The following SYNPR variants were observed in gnomAD, a reference collection of about 807,000 sequenced individuals.
SYNPR encodes synaptoporin.
SYNPR carries 23 observed loss-of-function variants against 32.9 expected under a neutral mutation model. That is an observed-to-expected ratio of 0.70 (90% confidence interval 0.50 to 0.99). The LOEUF (loss-of-function observed/expected upper bound fraction) is 0.99. SYNPR is among the 50% of genes least tolerant of loss of function. The pLI, the probability that SYNPR is intolerant of heterozygous loss-of-function variation, is 0.00. For synonymous variants in SYNPR, 146 were observed against 135.9 expected, an observed-to-expected ratio of 1.07 and a Z score of -0.52; for missense variants, 318 against 349.3, an observed-to-expected ratio of 0.91 and a Z score of 0.71.
At chr3:63,370,661 G>C (rs1376480) in intron 2 of SYNPR, among the ~76,000 whole-genome samples, 64,887 of 152,042 alleles carry the variant, frequency 0.43, 14,824 homozygotes, top group Middle Eastern at 0.6. Context: ...ATAATTTCTA[G>C]ATGGATCTCT....
intron 2 of SYNPR, among the ~76,000 whole-genome samples, chr3:63,359,798 T>C (rs1454897542): frequency 6.6e-6 from 1 of 152,202 alleles, no homozygotes; most frequent in East Asian, 1.9e-4. Flanking sequence ...TCAGTCTCCA[T>C]ATTGATATGG....
chr3:63,255,423 C>A (rs1383043840), intron 2 of SYNPR, among the ~76,000 whole-genome samples: 2 of 152,132 alleles, frequency 1.3e-5, no homozygotes, highest in East Asian at 1.9e-4. Context: ...GGCCTTGAAC[C>A]AGTTATGCCA....
chr3:63,447,088 A>C (rs2107169713), intron 2 of SYNPR, among the ~76,000 whole-genome samples: 1 of 152,320 alleles, frequency 6.6e-6, no homozygotes, highest in Non-Finnish European at 1.5e-5. Context: ...AATACTGATA[A>C]ATAAATTCAA....
At chr3:63,208,264 T>C in the SYNPR span, among the ~76,000 whole-genome samples, 1 of 152,170 alleles carries the variant, frequency 6.6e-6, no homozygotes, top group South Asian at 2.1e-4. Flanking sequence ...AAGACCCAGT[T>C]ATTTTATGAC....
chr3:63,570,785 G>C (rs147646709), intron 4 of SYNPR, among the ~76,000 whole-genome samples: 1 of 152,166 alleles, frequency 6.6e-6, no homozygotes, highest in African/African-American at 2.4e-5. Context: ...GATCCCCCCT[G>C]CTAGATATCA....
At chr3:63,236,557 C>T (rs1442756269) in intron 1 of SYNPR, among the ~76,000 whole-genome samples, 1 of 152,052 alleles carries the variant, frequency 6.6e-6, no homozygotes, top group African/African-American at 2.4e-5. Context: ...CCTAGGTTAA[C>T]ATGTTGTAAT....
In SYNPR at chr3:63,392,734, G is replaced by A. The variant is rs1046795563; in HGVS notation, c.85-88098G>A. The stretch of plus-strand genomic sequence containing the variant: ...ATGAGCTAGGCCTCCATTTCTTACC[G>A]GATAATGCTATAACTCAGTAAGACA... On this transcript the variant is annotated intron_variant, in intron 2 of 5. Coordinates refer to ENST00000478300, the MANE Select transcript of SYNPR (RefSeq NM_001130003.2). Among the ~76,000 whole-genome samples, 19 of 152,078 alleles carry A rather than the reference G, an allele frequency of 1.2e-4. No individual in the cohort carries two copies. The South Asian group carries it at 1.2e-3, about 10-fold the overall frequency.
chr3:63,203,068 G>GTGTATATATATATATATATATATATA, the SYNPR span: 3 of 108,572 alleles, frequency 2.8e-5, no homozygotes, highest in African/African-American at 1.4e-4. Context: ...ATATGTATGT[G>GTGTATATATATATATATATATATATA]TATATATATA....
chr3:63,563,221 A>G (rs1232043228), intron 4 of SYNPR, among the ~76,000 whole-genome samples: 1 of 152,204 alleles, frequency 6.6e-6, no homozygotes, highest in Non-Finnish European at 1.5e-5. Flanking sequence ...TACTTGTAAG[A>G]TCACAATTGC....
At chr3:63,540,733 C>A (rs189018506) in intron 3 of SYNPR, among the ~76,000 whole-genome samples, 21 of 152,010 alleles carry the variant, frequency 1.4e-4, no homozygotes, top group African/African-American at 5.1e-4. Context: ...CTACTTCATA[C>A]TTGGCAAGAT....
intron 2 of SYNPR, among the ~76,000 whole-genome samples, chr3:63,362,379 C>G (rs2087673001): frequency 6.6e-6 from 1 of 152,122 alleles, no homozygotes; most frequent in African/African-American, 2.4e-5. Context: ...TTTTAACTGT[C>G]TTTTTCTCAT....
At chr3:63,459,712 T>G (rs879805360) in intron 2 of SYNPR, among the ~76,000 whole-genome samples, 17 of 152,126 alleles carry the variant, frequency 1.1e-4, no homozygotes, top group Admixed American at 1.0e-3. Context: ...AAAAGCTATG[T>G]GATTCATCAA....
chr3:63,477,042 C>G (rs1700941855), intron 2 of SYNPR, among the ~76,000 whole-genome samples: 1 of 152,154 alleles, frequency 6.6e-6, no homozygotes, highest in Non-Finnish European at 1.5e-5. Context: ...TGCCCGGTGT[C>G]ACACAGCTAG....
intron 2 of SYNPR, among the ~76,000 whole-genome samples, chr3:63,326,935 G>A (rs148231330): frequency 2.0e-5 from 3 of 151,692 alleles, no homozygotes; most frequent in African/African-American, 4.8e-5. Flanking sequence ...TCATTTCCAT[G>A]TTCCTAAATT....
intron 2 of SYNPR, among the ~76,000 whole-genome samples, chr3:63,353,032 CAAA>C (rs1270146680): frequency 3.3e-5 from 5 of 152,162 alleles, no homozygotes; most frequent in Non-Finnish European, 7.3e-5. Context: ...TTTTAATTGA[CAAA>C]TAATAATTGT....
At chr3:63,605,227 A>G (rs935133254) in intron 4 of SYNPR, among the ~76,000 whole-genome samples, 18 of 152,232 alleles carry the variant, frequency 1.2e-4, no homozygotes, top group Non-Finnish European at 5.9e-5. Flanking sequence ...AGGAAAGACT[A>G]TCTGGGGAGG....
At chr3:63,319,553 A>G (rs1486483193) in intron 2 of SYNPR, among the ~76,000 whole-genome samples, 1 of 152,080 alleles carries the variant, frequency 6.6e-6, no homozygotes, top group Non-Finnish European at 1.5e-5. Flanking sequence ...ACTACCTAGG[A>G]ATAAACTTAA....
chr3:63,264,902 G>A (rs1229738993), intron 2 of SYNPR, among the ~76,000 whole-genome samples: 1 of 122,328 alleles, frequency 8.2e-6, no homozygotes, highest in African/African-American at 3.0e-5. Context: ...ACAGCATGGG[G>A]GAAACAGCTG....
upstream of SYNPR, among the ~76,000 whole-genome samples, chr3:63,225,911 AG>A (rs35162919): frequency 1.3e-5 from 2 of 152,174 alleles, no homozygotes; most frequent in African/African-American, 4.8e-5. Context: ...TAATATGACA[AG>A]GGACTAACAT....
Sources: gnomAD v4.1 joint callset for allele counts (sites outside exome capture counted in the v4.1 genomes callset) on GRCh38, gnomAD v4.1.1 for gene constraint, MANE v1.5 for transcripts, NCBI Gene and HGNC (gene_info 2026-07-23, HGNC 2026-07-21) for gene names.